Variants in PHF14 observed in about 807,000 individuals in gnomAD.
PHF14 encodes the protein PHD finger protein 14.
Under a neutral mutation model 117.9 loss-of-function variants are expected in PHF14, and 55 were observed. The ratio of observed to expected loss-of-function variants is 0.47; its 90% CI spans 0.38 to 0.58. PHF14 has a LOEUF of 0.58. PHF14 is among the 20% of genes least tolerant of loss of function. The pLI is 0.00. For missense variants in PHF14, 978 were observed against 1,122.2 expected, an observed-to-expected ratio of 0.87 and a Z score of 1.84; for synonymous variants, 409 against 368.6, an observed-to-expected ratio of 1.11 and a Z score of -1.26.
intron 16 of PHF14, among the ~76,000 whole-genome samples, chr7:11,077,574 C>T (rs1583442667): frequency 7.2e-6 from 1 of 138,974 alleles, no homozygotes; most frequent in East Asian, 2.2e-4. Context: ...GCACTCCGGC[C>T]TGGCAACAGA....
At chr7:11,121,182 T>A (rs1415300541) in intron 17 of PHF14, among the ~76,000 whole-genome samples, 1 of 152,180 alleles carries the variant, frequency 6.6e-6, no homozygotes, top group Non-Finnish European at 1.5e-5. Flanking sequence ...CTTTTTATTA[T>A]ATACATGTGG....
chr7:11,166,457 A>G (rs1448421923), intron 17 of PHF14, among the ~76,000 whole-genome samples: 1 of 152,084 alleles, frequency 6.6e-6, no homozygotes, highest in Non-Finnish European at 1.5e-5. Context: ...TATCAATTAT[A>G]TTTTATTTGC....
Position 11,104,116 on chromosome 7 carries a change from A to T in PHF14, c.2655-7234A>T, listed in dbSNP as rs1394093535. Reference sequence around the variant, plus strand: ...AAATTACTCGCAGTTGCTTTATTTTAGGTTTTTTGAGAAACTCTTAGGCCT... The same window carrying T: ...AAATTACTCGCAGTTGCTTTATTTTTGGTTTTTTGAGAAACTCTTAGGCCT... On this transcript the variant is annotated intron_variant, in intron 16 of 17. Transcript: ENST00000634607. 2.2e-5 allele frequency: 22 copies of T among 984,778 alleles called. No individual in the cohort carries two copies. In the African/African-American group the frequency reaches 3.7e-4, roughly 16 times the overall value. The allele number at this position is 984,778 out of a possible 1,614,324, so 61.0% of individuals were successfully genotyped here.
chr7:11,118,341 T>C (rs952549663), intron 17 of PHF14, among the ~76,000 whole-genome samples: 5 of 151,854 alleles, frequency 3.3e-5, no homozygotes, highest in African/African-American at 1.2e-4. Context: ...TCCTCTACTG[T>C]AGAACAAGGT....
rs1384123662 is a variant in PHF14, at chr7:11,108,905, A to G, written c.2655-2445A>G. On this transcript the variant is annotated intron_variant, in intron 16 of 17. Transcript: ENST00000634607. ...TAGAAATCATAATTTGAAAATTATT[A>G]TGACACAGAGTTATAAAGTAAATAT... The G allele has an allele frequency of 2.0e-5, 3 of 151,838 alleles. No homozygotes were observed. The East Asian group carries it at 5.8e-4, about 29-fold the overall frequency. 9.4% of individuals were successfully genotyped at this position (151,838 alleles called of 1,614,324 possible).
chr7:11,155,534 C>T (rs1788816585), intron 17 of PHF14, among the ~76,000 whole-genome samples: 1 of 152,148 alleles, frequency 6.6e-6, no homozygotes. Flanking sequence ...CCATTGTTTG[C>T]TTGACCAACT....
intron 16 of PHF14, chr7:11,104,446 G>T: frequency 1.0e-6 from 1 of 967,538 alleles, no homozygotes. Flanking sequence ...TCCATAATCG[G>T]TCCAACTACT....
intron 16 of PHF14, among the ~76,000 whole-genome samples, chr7:11,085,751 G>T (rs182812370): frequency 6.6e-6 from 1 of 152,014 alleles, no homozygotes; most frequent in East Asian, 1.9e-4. Flanking sequence ...AAGAGACAGG[G>T]TCTCACTATA....
At chr7:11,096,973 C>CTTTTTTT (rs899756252) in intron 16 of PHF14, among the ~76,000 whole-genome samples, 8 of 108,590 alleles carry the variant, frequency 7.4e-5, no homozygotes, top group East Asian at 2.7e-4. Context: ...TAGACTAGAA[C>CTTTTTTT]TTTTTTTTTT....
chr7:11,016,902 C>G (rs113797139), intron 5 of PHF14, among the ~76,000 whole-genome samples: 20 of 152,264 alleles, frequency 1.3e-4, no homozygotes, highest in African/African-American at 4.6e-4. Context: ...TTTCCCTGCA[C>G]TATCCTTCCC....
At chr7:11,032,697 C>T (rs917084820) in intron 7 of PHF14, among the ~76,000 whole-genome samples, 1 of 152,116 alleles carries the variant, frequency 6.6e-6, no homozygotes, top group Non-Finnish European at 1.5e-5. Context: ...TTACTAACTG[C>T]TTCTCATCAT....
chr7:11,087,871 C>T (rs931867973), intron 16 of PHF14, among the ~76,000 whole-genome samples: 5 of 151,964 alleles, frequency 3.3e-5, no homozygotes, highest in African/African-American at 7.3e-5. Context: ...TTTAAGAAGT[C>T]GAATGGGGGC....
intron 6 of PHF14, among the ~76,000 whole-genome samples, chr7:11,023,333 T>C (rs185598103): frequency 1.8e-4 from 27 of 152,314 alleles, no homozygotes; most frequent in Middle Eastern, 6.8e-3. Context: ...TTTGTCAAAA[T>C]TATGAAAAAG....
rs561730153 is a variant in PHF14, at chr7:11,104,001, G to C, written c.2655-7349G>C. On this transcript the variant is annotated intron_variant, in intron 16 of 17. Coordinates refer to ENST00000634607, the MANE Select transcript of PHF14 (RefSeq NM_001007157.2). The stretch of plus-strand genomic sequence containing the variant: ...GTAATTATTACTGTTGCTGAACTCT[G>C]GCTGCTTTTAAGCAAAATGACAGAT... 6 of 984,990 alleles carry C rather than the reference G, an allele frequency of 6.1e-6. No individual in the cohort carries two copies. In the African/African-American group the frequency reaches 1.0e-4, roughly 17 times the overall value. The allele number at this position is 984,990 out of a possible 1,614,324, so 61.0% of individuals were successfully genotyped here.
intron 4 of PHF14, among the ~76,000 whole-genome samples, chr7:10,992,127 C>G (rs984286571): frequency 1.3e-5 from 2 of 151,718 alleles, no homozygotes; most frequent in African/African-American, 4.8e-5. Context: ...AATCTCAGGT[C>G]ACTGCAACCT....
chr7:11,089,365 G>A (rs757400727), intron 16 of PHF14, among the ~76,000 whole-genome samples: 8 of 152,088 alleles, frequency 5.3e-5, no homozygotes, highest in Non-Finnish European at 1.0e-4. Flanking sequence ...TTAAAGCTTG[G>A]ATCGTATTTG....
intron 17 of PHF14, among the ~76,000 whole-genome samples, chr7:11,155,299 C>T (rs1583508510): frequency 1.3e-5 from 2 of 152,280 alleles, no homozygotes; most frequent in Non-Finnish European, 2.9e-5. Context: ...TTGCCAGTCA[C>T]TGACAACAAA....
chr7:11,004,630 CTCAG>C (rs1258811963), intron 4 of PHF14, among the ~76,000 whole-genome samples: 9 of 151,526 alleles, frequency 5.9e-5, no homozygotes. Flanking sequence ...TTGAATATCT[CTCAG>C]TCTGGATATA....
intron 16 of PHF14, among the ~76,000 whole-genome samples, chr7:11,073,712 G>A (rs11975710): frequency 0.36 from 54,839 of 152,096 alleles, 10,498 homozygotes; most frequent in East Asian, 0.75. Context: ...CACTGCACTA[G>A]TAGAGGCTTT....
Sources: gnomAD v4.1 joint callset for allele counts (sites outside exome capture counted in the v4.1 genomes callset) on GRCh38, gnomAD v4.1.1 for gene constraint, MANE v1.5 for transcripts, NCBI Gene and HGNC (gene_info 2026-07-23, HGNC 2026-07-21) for gene names.